DLGAP1: variants seen among roughly 807,000 people sequenced by gnomAD.
The protein encoded by DLGAP1 is DLG associated protein 1, also known as disks large-associated protein 1.
Under a neutral mutation model 90.8 loss-of-function variants are expected in DLGAP1, and 11 were observed. The ratio of observed to expected loss-of-function variants is 0.12; its 90% CI spans 0.08 to 0.20. DLGAP1 has a LOEUF of 0.20. DLGAP1 is among the 10% of genes least tolerant of loss of function. The pLI is 1.00. For synonymous variants in DLGAP1, 558 were observed against 540.7 expected, an observed-to-expected ratio of 1.03 and a Z score of -0.44; for missense variants, 1,050 against 1,333.8, an observed-to-expected ratio of 0.79 and a Z score of 3.31.
intron 7 of DLGAP1, among the ~76,000 whole-genome samples, chr18:3,681,613 C>A (rs2060515420): frequency 6.6e-6 from 1 of 152,046 alleles, no homozygotes; most frequent in African/African-American, 2.4e-5. Context: ...AACTTTCTTC[C>A]CCAAAAAGCC....
chr18:3,853,877 A>G (rs28545075), intron 4 of DLGAP1, among the ~76,000 whole-genome samples: 49,800 of 151,952 alleles, frequency 0.33, 8,621 homozygotes, highest in African/African-American at 0.44. Flanking sequence ...TATCTACTGC[A>G]TATATATCCA....
intron 2 of DLGAP1, among the ~76,000 whole-genome samples, chr18:4,086,262 T>C (rs557779119): frequency 4.6e-5 from 7 of 152,292 alleles, no homozygotes; most frequent in African/African-American, 1.7e-4. Context: ...AAAGCTGGTT[T>C]AGATTTAGTC....
intron 3 of DLGAP1, among the ~76,000 whole-genome samples, chr18:3,931,701 C>A (rs530773553): frequency 6.6e-6 from 1 of 152,198 alleles, no homozygotes; most frequent in African/African-American, 2.4e-5. Flanking sequence ...TTTCAACATC[C>A]TCCTTCTTGT....
At chr18:4,307,083 T>G (rs191329754) in intron 1 of DLGAP1, among the ~76,000 whole-genome samples, 135 of 152,272 alleles carry the variant, frequency 8.9e-4, no homozygotes, top group African/African-American at 3.2e-3. Context: ...CCTGGGAAAT[T>G]TCAGATTTTA....
chr18:4,268,777 T>C (rs2079188705), intron 1 of DLGAP1, among the ~76,000 whole-genome samples: 1 of 152,204 alleles, frequency 6.6e-6, no homozygotes, highest in African/African-American at 2.4e-5. Context: ...AGATTTCATG[T>C]CTGCTTCTTG....
chr18:4,225,934 T>G (rs2078177563), intron 1 of DLGAP1, among the ~76,000 whole-genome samples: 1 of 151,972 alleles, frequency 6.6e-6, no homozygotes, highest in Admixed American at 6.6e-5. Context: ...GTAGCAATAT[T>G]CAAGTACAAA....
At chr18:3,864,902 A>G (rs925664688) in intron 4 of DLGAP1, among the ~76,000 whole-genome samples, 3 of 151,768 alleles carry the variant, frequency 2.0e-5, no homozygotes, top group African/African-American at 4.8e-5. Flanking sequence ...TTAGAGAAAC[A>G]TATCTTTTCC....
chr18:3,961,760 G>A lies in DLGAP1; in HGVS notation c.-73+43356C>T, dbSNP rs11661111. Among the ~76,000 whole-genome samples, 1,303 of 152,316 alleles carry A rather than the reference G, an allele frequency of 8.6e-3. 6 individuals are homozygous for A. Among genetic ancestry groups the A allele is most frequent in the Non-Finnish European group, 0.012 (827 of 68,022 alleles). Reference sequence around the variant, plus strand: ...CTGACTGGGAATTCTACCATCCCAGGTACCTGGAGCATGGCCCACAAGTGG... The same window carrying A: ...CTGACTGGGAATTCTACCATCCCAGATACCTGGAGCATGGCCCACAAGTGG... On this transcript the variant is annotated intron_variant, in intron 3 of 12. Coordinates refer to ENST00000315677, the MANE Select transcript of DLGAP1 (RefSeq NM_004746.4).
Position 4,024,522 on chromosome 18 carries a change from T to C in DLGAP1, c.-158-19321A>G, listed in dbSNP as rs1247048091. ...AAAGGGGACGTGGCAAATTCCCCTC[T>C]TAACACTTATGCTCGGAGTGACATG... is the stretch of plus-strand genomic sequence containing the variant. On this transcript the variant is annotated intron_variant, in intron 2 of 12. Transcript: ENST00000315677. Among the ~76,000 whole-genome samples the C allele has an allele frequency of 4.6e-5, 7 of 152,194 alleles. 1 individual carries two copies. Among genetic ancestry groups the C allele is most frequent in the Admixed American group, 4.6e-4 (7 of 15,288 alleles).
chr18:3,874,016 CT>C (rs2070909354), intron 4 of DLGAP1: 1 of 1,454,876 alleles, frequency 6.9e-7, no homozygotes, highest in Admixed American at 2.4e-5. Flanking sequence ...TTTGTCAGCT[CT>C]TCCAGTCTTT....
chr18:4,288,607 G>C (rs1404594198), intron 1 of DLGAP1, among the ~76,000 whole-genome samples: 1 of 152,104 alleles, frequency 6.6e-6, no homozygotes, highest in South Asian at 2.1e-4. Context: ...TTTCATGGGT[G>C]GGTCTGGCTG....
chr18:3,499,337 T>G lies in DLGAP1; in HGVS notation c.2782A>C (p.Ile928Leu). 2.6e-6 allele frequency: 4 copies of G among 1,560,098 alleles called. No individual in the cohort carries two copies. The highest frequency in any genetic ancestry group is 3.5e-6 in the Non-Finnish European group (4 of 1,153,174). The change falls in exon 13 of 13, where the codon ATC (isoleucine) becomes CTC (leucine). Residue 928 changes from isoleucine (I) to leucine (L), a missense_variant. Transcript: ENST00000315677. The surrounding 1 kb of genome is among the most constrained non-coding windows in gnomAD (Gnocchi z 6.4). The part of the protein sequence containing the change: ...KKPAKGPAPL[I>L]RERSLESSQR... ...GAGCTCTCCAGCGAGCGCTCCCGGA[T>G]CAGCGGCGCGGGGCCCTTCGCCGGC...
chr18:3,682,004 G>C (rs1341968052), intron 7 of DLGAP1, among the ~76,000 whole-genome samples: 3 of 151,640 alleles, frequency 2.0e-5, no homozygotes, highest in African/African-American at 7.3e-5. Flanking sequence ...TGTAATCCCA[G>C]CTACTTGGGA....
chr18:3,847,896 A>G (rs993346829), intron 4 of DLGAP1, among the ~76,000 whole-genome samples: 5 of 152,250 alleles, frequency 3.3e-5, no homozygotes, highest in South Asian at 2.1e-4. Flanking sequence ...TCACTTCTGT[A>G]ATCCCAACAT....
chr18:3,521,527 C>A (rs768790700), intron 10 of DLGAP1, among the ~76,000 whole-genome samples: 1 of 152,144 alleles, frequency 6.6e-6, no homozygotes, highest in Non-Finnish European at 1.5e-5. Context: ...ACTGTCTCTT[C>A]CCTTTGGTGC....
At chr18:4,247,712 G>A (rs2078683730) in intron 1 of DLGAP1, among the ~76,000 whole-genome samples, 2 of 152,084 alleles carry the variant, frequency 1.3e-5, no homozygotes, top group African/African-American at 4.8e-5. Flanking sequence ...GGGAGATGGA[G>A]GTTGCAGTGA....
At chr18:4,441,314 A>G (rs553584452) in intron 1 of DLGAP1, among the ~76,000 whole-genome samples, 163 of 152,328 alleles carry the variant, frequency 1.1e-3, no homozygotes, top group African/African-American at 3.8e-3. Flanking sequence ...AGATGGTCAC[A>G]CCCCTAGAAG....
At chr18:3,946,103 CAT>C (rs202094056) in intron 3 of DLGAP1, among the ~76,000 whole-genome samples, 3,752 of 151,960 alleles carry the variant, frequency 0.025, 58 homozygotes, top group African/African-American at 0.034. Flanking sequence ...GATTTTATGA[CAT>C]AGGTACTTTA....
chr18:3,976,290 C>T (rs999630781), intron 3 of DLGAP1, among the ~76,000 whole-genome samples: 6 of 151,464 alleles, frequency 4.0e-5, no homozygotes, highest in East Asian at 3.9e-4. Flanking sequence ...GAAGGAGAAT[C>T]GCTTGAACCC....
Sources: allele counts gnomAD v4.1 joint callset (sites outside exome capture counted in the v4.1 genomes callset), GRCh38; gene constraint gnomAD v4.1.1; non-coding constraint Gnocchi (gnomAD v3.1); transcripts MANE v1.5; gene names NCBI Gene and HGNC (gene_info 2026-07-23, HGNC 2026-07-21).